The following CSMD1 variants were observed in gnomAD, a reference collection of about 807,000 sequenced individuals.
CSMD1 encodes CUB and sushi domain-containing protein 1.
Under a neutral mutation model 417.5 loss-of-function variants are expected in CSMD1, and 213 were observed. That is an observed-to-expected ratio of 0.51 (90% CI 0.46 to 0.57). The LOEUF (loss-of-function observed/expected upper bound fraction) is 0.57, where lower values mean the gene tolerates loss of function less well. CSMD1 is among the 20% of genes least tolerant of loss of function. The probability of loss-of-function intolerance (pLI) is 0.00; values close to 1 mark genes in which losing one functional copy is unlikely to be tolerated. For missense variants in CSMD1, 6,923 were observed against 4,529.7 expected, an observed-to-expected ratio of 1.53 and a Z score of -15.17; for synonymous variants, 2,862 against 1,736.8, an observed-to-expected ratio of 1.65 and a Z score of -16.11.
rs187597058 is a variant in CSMD1 at position 4,797,629 on chromosome 8, T to C, written c.86-160071A>G. Among the ~76,000 whole-genome samples the C allele has an allele frequency of 2.0e-3, 307 of 152,268 alleles. 1 individual carries two copies. The highest frequency in any genetic ancestry group is 6.6e-3 in the African/African-American group (276 of 41,558). ...GAGAGAAAAAGAGATTGAAACAGTATAAAGCGAAGATATAGAAATCATGAT... is the reference window on the plus strand; with the variant it reads ...GAGAGAAAAAGAGATTGAAACAGTACAAAGCGAAGATATAGAAATCATGAT... On this transcript the variant is annotated intron_variant, in intron 1 of 69. Coordinates refer to ENST00000635120, the MANE Select transcript of CSMD1 (RefSeq NM_033225.6).
At chr8:4,705,511 C>T (rs951292038) in intron 1 of CSMD1, among the ~76,000 whole-genome samples, 6 of 152,182 alleles carry the variant, frequency 3.9e-5, no homozygotes, top group East Asian at 3.8e-4. Context: ...GAAAAGGAAA[C>T]GCGCACAGCC....
At chr8:3,375,341 C>G (rs1810236777) in intron 18 of CSMD1, 1 of 152,124 alleles carries the variant, frequency 6.6e-6, no homozygotes, top group South Asian at 2.1e-4. Context: ...GCCTCTTCCT[C>G]AAAGAGATCC....
chr8:3,884,071 A>G (rs771765373), intron 5 of CSMD1, among the ~76,000 whole-genome samples: 2 of 152,218 alleles, frequency 1.3e-5, no homozygotes, highest in African/African-American at 4.8e-5. Flanking sequence ...TTTCAAAATC[A>G]TTATTTTCCA....
chr8:3,083,610 T>TATATATATATATATATA (rs1563320328), intron 49 of CSMD1, among the ~76,000 whole-genome samples: 9 of 30,926 alleles, frequency 2.9e-4, no homozygotes, highest in Admixed American at 5.7e-4. Context: ...ACCATAATTT[T>TATATATATATATATATA]TATATATATA....
chr8:3,120,541 T>A (rs1480219449), intron 41 of CSMD1, among the ~76,000 whole-genome samples: 1 of 152,162 alleles, frequency 6.6e-6, no homozygotes, highest in Non-Finnish European at 1.5e-5. Context: ...AATGGCATTG[T>A]TGCCTCTTTA....
intron 1 of CSMD1, among the ~76,000 whole-genome samples, chr8:4,806,594 G>C (rs778209091): frequency 1.1e-4 from 16 of 152,262 alleles, no homozygotes; most frequent in East Asian, 1.9e-4. Context: ...TTTTCAAAAA[G>C]GTAATTAACT....
rs142616963 is a variant in CSMD1 at position 4,064,063 on chromosome 8, G to A, written c.416-31964C>T. ...CTGAGAGTGAGGGCTCCTGAGAAGT[G>A]CGCAGTGTGAAGCCCATGTGAAATG... is the stretch of plus-strand genomic sequence containing the variant. On this transcript the variant is annotated intron_variant, in intron 3 of 69. Transcript: ENST00000635120. 3.8e-3 allele frequency among the ~76,000 whole-genome samples: 581 copies of A among 152,302 alleles called. 4 individuals are homozygous for A. Among genetic ancestry groups the A allele is most frequent in the African/African-American group, 0.013 (526 of 41,566 alleles).
intron 1 of CSMD1, among the ~76,000 whole-genome samples, chr8:4,857,436 T>C (rs538331579): frequency 4.8e-4 from 72 of 151,366 alleles, no homozygotes; most frequent in African/African-American, 1.5e-3. Context: ...CTGAAGGAAA[T>C]AGAGATACAA....
chr8:4,880,177 T>C (rs1348086512), intron 1 of CSMD1, among the ~76,000 whole-genome samples: 1 of 150,628 alleles, frequency 6.6e-6, no homozygotes. Context: ...TGGCTGAATT[T>C]CTCTTTCAGG....
At chr8:4,039,202 T>G (rs1414800503) in intron 3 of CSMD1, among the ~76,000 whole-genome samples, 2 of 152,290 alleles carry the variant, frequency 1.3e-5, no homozygotes, top group Middle Eastern at 3.4e-3. Flanking sequence ...CTAGGTCCCT[T>G]AGGGTTTCTC....
intron 20 of CSMD1, among the ~76,000 whole-genome samples, chr8:3,364,983 G>C (rs975006444): frequency 2.0e-5 from 3 of 152,164 alleles, no homozygotes; most frequent in Non-Finnish European, 2.9e-5. Flanking sequence ...AACACCTGCA[G>C]AAGTGAACTG....
At chr8:3,827,981 A>G (rs924253116) in intron 5 of CSMD1, among the ~76,000 whole-genome samples, 3 of 152,230 alleles carry the variant, frequency 2.0e-5, no homozygotes, top group Non-Finnish European at 2.9e-5. Flanking sequence ...CCATCTTAAC[A>G]TAAACAGAAA....
chr8:4,071,408 T>C (rs985488579), intron 3 of CSMD1, among the ~76,000 whole-genome samples: 1 of 150,576 alleles, frequency 6.6e-6, no homozygotes, highest in Non-Finnish European at 1.5e-5. Flanking sequence ...TTAAAAAAAA[T>C]TGTAGTTTAG....
intron 2 of CSMD1, among the ~76,000 whole-genome samples, chr8:4,563,055 C>T (rs973650692): frequency 2.0e-5 from 3 of 152,082 alleles, no homozygotes; most frequent in African/African-American, 7.2e-5. Context: ...TTAACCAACT[C>T]CAAATTTGGG....
Position 3,419,724 on chromosome 8 carries a change from A to G in CSMD1, c.1562-10119T>C, listed in dbSNP as rs116509401. ...ACAACGTTCTAATCAAATACCAAAT[A>G]GCCAACATGTCAAGAAAAAAATCTG... On this transcript the variant is annotated intron_variant, in intron 12 of 69. Coordinates refer to ENST00000635120, the MANE Select transcript of CSMD1 (RefSeq NM_033225.6). Among the ~76,000 whole-genome samples, 161 of 152,372 alleles carry G rather than the reference A, an allele frequency of 1.1e-3. 1 individual carries two copies. Among genetic ancestry groups the G allele is most frequent in the African/African-American group, 3.4e-3 (143 of 41,594 alleles).
At position 2,973,209 on chromosome 8, in the gene CSMD1, A is replaced by C; in HGVS notation, c.8831T>G (p.Phe2944Cys). Reference protein sequence around the residue: ...DDFKTKSLLRFSCEMGHQLRG... With the variant: ...DDFKTKSLLRCSCEMGHQLRG... ...CAGCTGGTGCCCCATTTCACAGGAG[A>C]AGCGGAGAAGACTCTTTGTCTTAAA... Residue 2944 changes from phenylalanine (F) to cysteine (C), a missense_variant, in exon 57 of 70, where the codon TTC becomes TGC. Transcript: ENST00000635120. 1 of 1,613,852 alleles carries C rather than the reference A, an allele frequency of 6.2e-7. No homozygotes were observed. The highest frequency in any genetic ancestry group is 8.5e-7 in the Non-Finnish European group (1 of 1,179,844).
intron 3 of CSMD1, among the ~76,000 whole-genome samples, chr8:4,180,521 T>C (rs899472317): frequency 4.0e-5 from 6 of 151,766 alleles, no homozygotes. Context: ...GGCACATGTA[T>C]ACATATGTAA....
intron 11 of CSMD1, 39 bp downstream of exon 11, chr8:3,493,584 G>C (rs776375599): frequency 1.3e-6 from 2 of 1,531,694 alleles, no homozygotes; most frequent in Non-Finnish European, 8.9e-7. Flanking sequence ...GCCCCGCACT[G>C]CATGCATAAG....
At position 3,517,032 on chromosome 8, in the gene CSMD1, G is replaced by C. The variant is rs573715290; in HGVS notation, c.1345-23306C>G. ...GGTGTCATGGTGAGCAAAGGAGCTG[G>C]TGTGGTGTCAGATCAAGGGGACACT... is the stretch of plus-strand genomic sequence containing the variant. On this transcript the variant is annotated intron_variant, in intron 10 of 69. Transcript: ENST00000635120. 7.9e-5 allele frequency among the ~76,000 whole-genome samples: 12 copies of C among 152,198 alleles called. No homozygotes were observed. In the South Asian group the frequency reaches 1.2e-3, roughly 16 times the overall value.
Sources: gnomAD v4.1 joint callset for allele counts (sites outside exome capture counted in the v4.1 genomes callset) on GRCh38, gnomAD v4.1.1 for gene constraint, MANE v1.5 for transcripts, NCBI Gene and HGNC (gene_info 2026-07-23, HGNC 2026-07-21) for gene names.